The following ATP6V1H variants were observed in gnomAD, a reference collection of about 807,000 sequenced individuals.
ATP6V1H encodes the protein ATPase H+ transporting V1 subunit H.
ATP6V1H carries 39 observed loss-of-function variants against 71.7 expected under a neutral mutation model. The observed-to-expected ratio is 0.54, with a 90% CI of 0.42 to 0.71. The LOEUF is 0.71. Among genes scored for constraint, ATP6V1H ranks in the 30% least tolerant of loss-of-function variants. ATP6V1H has a pLI of 0.00. For missense variants in ATP6V1H, 509 were observed against 594.9 expected, an observed-to-expected ratio of 0.86 and a Z score of 1.50; for synonymous variants, 192 against 199.3, an observed-to-expected ratio of 0.96 and a Z score of 0.31.
chr8:53,733,348 A>T (rs1438274051), intron 13 of ATP6V1H, among the ~76,000 whole-genome samples: 2 of 152,192 alleles, frequency 1.3e-5, no homozygotes, highest in Non-Finnish European at 2.9e-5. Flanking sequence ...CAAAGGTTCA[A>T]GAACTCCCCC....
At chr8:53,778,623 C>T (rs1808978880) in intron 9 of ATP6V1H, among the ~76,000 whole-genome samples, 1 of 151,988 alleles carries the variant, frequency 6.6e-6, no homozygotes, top group South Asian at 2.1e-4. Context: ...TTAAAGGATG[C>T]ACTTAACCCA....
chr8:53,825,479 T>C (rs1810795906), intron 4 of ATP6V1H, among the ~76,000 whole-genome samples: 2 of 151,080 alleles, frequency 1.3e-5, no homozygotes, highest in African/African-American at 2.4e-5. Flanking sequence ...AGGTAAATAC[T>C]GGGGGAAAAA....
chr8:53,721,418 T>C (rs1407546308), intron 13 of ATP6V1H, among the ~76,000 whole-genome samples: 1 of 152,228 alleles, frequency 6.6e-6, no homozygotes, highest in Non-Finnish European at 1.5e-5. Context: ...ACAGTATTTT[T>C]ATGTCAGCCT....
intron 13 of ATP6V1H, chr8:53,739,735 T>C (rs573129122): frequency 1.3e-5 from 2 of 152,258 alleles, no homozygotes; most frequent in Non-Finnish European, 2.9e-5. Flanking sequence ...GTTTATATAT[T>C]CTGCCAAATT....
chr8:53,772,651 T>A (rs190940923), intron 9 of ATP6V1H, among the ~76,000 whole-genome samples: 175 of 152,306 alleles, frequency 1.1e-3, no homozygotes, highest in African/African-American at 4.1e-3. Flanking sequence ...CTCCCTTGTT[T>A]GAACAATTAT....
intron 4 of ATP6V1H, among the ~76,000 whole-genome samples, chr8:53,826,792 A>T (rs559523842): frequency 4.0e-5 from 6 of 151,854 alleles, no homozygotes; most frequent in African/African-American, 1.4e-4. Context: ...ACTAAAAAAA[A>T]AAATATAAAA....
chr8:53,812,279 C>G (rs910061666), intron 6 of ATP6V1H, among the ~76,000 whole-genome samples: 22 of 152,050 alleles, frequency 1.4e-4, no homozygotes, highest in Non-Finnish European at 2.9e-5. Flanking sequence ...AGAGGCACTG[C>G]ACAATTTAAA....
In ATP6V1H at chr8:53,782,971, A is replaced by G. The variant is rs1367631928; in HGVS notation, c.871-10804T>C. ...GTATTTTATTGAGGATTTTTGCATCAATGTTCATCAAGGATATTAGTCTAA... is the reference window on the plus strand; with the variant it reads ...GTATTTTATTGAGGATTTTTGCATCGATGTTCATCAAGGATATTAGTCTAA... On this transcript the variant is annotated intron_variant, in intron 9 of 13. Transcript: ENST00000359530. Among the ~76,000 whole-genome samples, 8 of 150,326 alleles carry G rather than the reference A, an allele frequency of 5.3e-5. No homozygotes were observed. In the South Asian group the frequency reaches 8.4e-4, roughly 16 times the overall value.
At chr8:53,758,659 T>C (rs985909255) in intron 11 of ATP6V1H, among the ~76,000 whole-genome samples, 2 of 152,262 alleles carry the variant, frequency 1.3e-5, no homozygotes, top group African/African-American at 4.8e-5. Flanking sequence ...CTTCAAGCTT[T>C]GAGCTTGAAC....
chr8:53,775,050 G>A (rs982365997), intron 9 of ATP6V1H, among the ~76,000 whole-genome samples: 14 of 152,200 alleles, frequency 9.2e-5, no homozygotes, highest in South Asian at 4.1e-4. Flanking sequence ...TCTTGAAGGC[G>A]GCGTGTCCGG....
At chr8:53,728,693 G>A (rs1806903664) in intron 13 of ATP6V1H, among the ~76,000 whole-genome samples, 2 of 152,166 alleles carry the variant, frequency 1.3e-5, no homozygotes, top group Non-Finnish European at 2.9e-5. Flanking sequence ...CTAACAGAAG[G>A]CCAGCAAAGC....
rs138085787 is a variant in ATP6V1H, at chr8:53,799,086, A to G, written c.677+2713T>C. Reference sequence around the variant, plus strand: ...TCTTTCTTACAGGTCCTCCATAGGGAGAAAAAAATCTAATTTTTGGTTAGT... The same window carrying G: ...TCTTTCTTACAGGTCCTCCATAGGGGGAAAAAAATCTAATTTTTGGTTAGT... On this transcript the variant is annotated intron_variant, in intron 8 of 13. Transcript: ENST00000359530. Among the ~76,000 whole-genome samples the G allele has an allele frequency of 2.2e-3, 336 of 152,260 alleles. 2 individuals carry two copies. The highest frequency in any genetic ancestry group is 7.8e-3 in the African/African-American group (325 of 41,562).
chr8:53,750,179 T>C (rs998219583), intron 12 of ATP6V1H, among the ~76,000 whole-genome samples: 3 of 152,158 alleles, frequency 2.0e-5, no homozygotes, highest in Non-Finnish European at 4.4e-5. Flanking sequence ...AGTATTAAAT[T>C]TGCAACTGGG....
chr8:53,819,472 T>C (rs1810560312), intron 4 of ATP6V1H, among the ~76,000 whole-genome samples: 1 of 140,502 alleles, frequency 7.1e-6, no homozygotes, highest in Non-Finnish European at 1.5e-5. Context: ...GTGGAGGTTA[T>C]AGTGAGCTGA....
intron 8 of ATP6V1H, among the ~76,000 whole-genome samples, chr8:53,797,002 T>A (rs980777286): frequency 6.6e-6 from 1 of 152,270 alleles, no homozygotes; most frequent in Non-Finnish European, 1.5e-5. Flanking sequence ...GTCTTCTCTA[T>A]TTTTGGATGT....
chr8:53,819,559 T>TAC (rs1228643044), intron 4 of ATP6V1H, among the ~76,000 whole-genome samples: 1 of 118,842 alleles, frequency 8.4e-6, no homozygotes, highest in African/African-American at 3.2e-5. Context: ...TATATATATA[T>TAC]ATATATATAT....
chr8:53,794,676 T>G (rs775701349), intron 9 of ATP6V1H, among the ~76,000 whole-genome samples: 4 of 152,194 alleles, frequency 2.6e-5, no homozygotes, highest in Admixed American at 1.3e-4. Flanking sequence ...CCACTTTTTA[T>G]TTTTTACTTG....
At chr8:53,783,581 T>A (rs1483121335) in intron 9 of ATP6V1H, among the ~76,000 whole-genome samples, 1 of 152,246 alleles carries the variant, frequency 6.6e-6, no homozygotes, top group African/African-American at 2.4e-5. Flanking sequence ...TGCCTTCTGC[T>A]AGCTTTTCAA....
intron 2 of ATP6V1H, among the ~76,000 whole-genome samples, chr8:53,835,468 C>A (rs1472944511): frequency 6.6e-6 from 1 of 152,202 alleles, no homozygotes; most frequent in Non-Finnish European, 1.5e-5. Flanking sequence ...CTTAACCCCA[C>A]CCTCTTCCAA....
Sources: gnomAD v4.1 joint callset for allele counts (sites outside exome capture counted in the v4.1 genomes callset) on GRCh38, gnomAD v4.1.1 for gene constraint, MANE v1.5 for transcripts, NCBI Gene and HGNC (gene_info 2026-07-23, HGNC 2026-07-21) for gene names.